ROBO2: variants seen among roughly 807,000 people sequenced by gnomAD.
The protein encoded by ROBO2 is roundabout homolog 2.
A neutral mutation model predicts 160.8 loss-of-function variants in ROBO2; 53 were observed. The ratio of observed to expected loss-of-function variants is 0.33; its 90% confidence interval spans 0.26 to 0.41. The LOEUF (loss-of-function observed/expected upper bound fraction) is 0.41. Among genes scored for constraint, ROBO2 ranks in the 10% least tolerant of loss-of-function variants. The pLI is 1.00. For missense variants in ROBO2, 1,577 were observed against 1,722.4 expected (o/e 0.92, Z 1.49); for synonymous variants, 664 against 611.7 (o/e 1.09, Z -1.26).
chr3:76,393,026 C>G (rs551072702), intron 2 of ROBO2, among the ~76,000 whole-genome samples: 1 of 152,134 alleles, frequency 6.6e-6, no homozygotes, highest in Non-Finnish European at 1.5e-5. Flanking sequence ...ATGAAACTCC[C>G]CCTTGCTGAT....
intron 2 of ROBO2, among the ~76,000 whole-genome samples, chr3:77,357,253 A>G (rs1172561100): frequency 6.6e-6 from 1 of 152,146 alleles, no homozygotes; most frequent in African/African-American, 2.4e-5. Context: ...GATGCTTCTC[A>G]TTTCTCTAGC....
chr3:77,258,244 G>A (rs1434486185), intron 2 of ROBO2, among the ~76,000 whole-genome samples: 1 of 152,106 alleles, frequency 6.6e-6, no homozygotes, highest in Non-Finnish European at 1.5e-5. Context: ...GAAATTTTAG[G>A]TCAACACTCA....
intron 2 of ROBO2, among the ~76,000 whole-genome samples, chr3:77,220,942 G>A (rs1312122020): frequency 6.6e-6 from 1 of 152,184 alleles, no homozygotes; most frequent in Non-Finnish European, 1.5e-5. Context: ...AAAAAATAGA[G>A]GAAATAGATT....
chr3:76,754,778 A>T (rs2060874518), intron 2 of ROBO2, among the ~76,000 whole-genome samples: 2 of 151,906 alleles, frequency 1.3e-5, no homozygotes, highest in African/African-American at 4.8e-5. Flanking sequence ...GAAGTTTGGT[A>T]CTTTGTCATT....
chr3:77,646,659 GAACA>G (rs2095414526), exon 26 of ROBO2: 1 of 152,360 alleles, frequency 6.6e-6, no homozygotes, highest in Admixed American at 6.6e-5. Context: ...AGATGCAAAG[GAACA>G]ATGGTGTTGG....
At chr3:76,445,136 A>T (rs1252191220) in intron 2 of ROBO2, among the ~76,000 whole-genome samples, 1 of 152,184 alleles carries the variant, frequency 6.6e-6, no homozygotes, top group Non-Finnish European at 1.5e-5. Flanking sequence ...ATATTTTCTA[A>T]GTAGTTAATC....
rs532378226 is a variant in ROBO2 at position 77,253,869 on chromosome 3, C to T, written c.388+155529C>T. Among the ~76,000 whole-genome samples, 482 of 152,068 alleles carry T rather than the reference C, an allele frequency of 3.2e-3. 6 individuals carry two copies. The highest frequency in any genetic ancestry group is 0.011 in the African/African-American group (457 of 41,476). On this transcript the variant is annotated intron_variant, in intron 2 of 25. Transcript: ENST00000461745. ...TATGAATATAAACTGATATTATTTACGAACCTCTAATCTGTAATATTTGAA... is the reference window on the plus strand; with the variant it reads ...TATGAATATAAACTGATATTATTTATGAACCTCTAATCTGTAATATTTGAA...
chr3:76,395,169 AACTC>A (rs1292731099), intron 2 of ROBO2, among the ~76,000 whole-genome samples: 17 of 151,746 alleles, frequency 1.1e-4, no homozygotes, highest in African/African-American at 4.1e-4. Flanking sequence ...AGGATTAAGA[AACTC>A]ACTCAAAACC....
intron 2 of ROBO2, among the ~76,000 whole-genome samples, chr3:76,410,047 G>A (rs774145213): frequency 2.2e-4 from 33 of 151,932 alleles, no homozygotes; most frequent in Non-Finnish European, 3.8e-4. Context: ...TTTTGTTTTC[G>A]CATGCATGTT....
At chr3:76,247,567 T>A (rs753085261) in intron 2 of ROBO2, among the ~76,000 whole-genome samples, 1 of 152,128 alleles carries the variant, frequency 6.6e-6, no homozygotes, top group Admixed American at 6.6e-5. Flanking sequence ...TCTTAAATAA[T>A]AAGCAGGATT....
chr3:76,111,414 G>T (rs2070225108), intron 2 of ROBO2, among the ~76,000 whole-genome samples: 1 of 151,924 alleles, frequency 6.6e-6, no homozygotes, highest in African/African-American at 2.4e-5. Context: ...AGAAATATGG[G>T]AGAATAAATT....
intron 2 of ROBO2, among the ~76,000 whole-genome samples, chr3:76,217,844 A>G (rs1382599659): frequency 2.0e-5 from 3 of 152,108 alleles, no homozygotes; most frequent in Non-Finnish European, 4.4e-5. Context: ...CCAAAGCCTG[A>G]CAGAGACACA....
At chr3:77,554,263 A>G (rs1022228367) in intron 8 of ROBO2, among the ~76,000 whole-genome samples, 5 of 151,892 alleles carry the variant, frequency 3.3e-5, no homozygotes, top group African/African-American at 1.2e-4. Flanking sequence ...ACTCTGCAGA[A>G]AAAAAAATTC....
chr3:76,141,862 A>G (rs1419766028), intron 2 of ROBO2, among the ~76,000 whole-genome samples: 1 of 152,038 alleles, frequency 6.6e-6, no homozygotes, highest in Non-Finnish European at 1.5e-5. Flanking sequence ...GTAAACTGAG[A>G]GCACAGGCAT....
At chr3:77,302,816 G>C (rs2062775739) in intron 2 of ROBO2, among the ~76,000 whole-genome samples, 1 of 152,146 alleles carries the variant, frequency 6.6e-6, no homozygotes, top group Admixed American at 6.6e-5. Context: ...TATTGAGAAA[G>C]TGACCCAGAA....
chr3:77,205,071 C>G (rs1482292280), intron 2 of ROBO2, among the ~76,000 whole-genome samples: 1 of 152,098 alleles, frequency 6.6e-6, no homozygotes, highest in Non-Finnish European at 1.5e-5. Flanking sequence ...GCCTGGGGCT[C>G]CAGTGTTGCA....
chr3:76,799,515 A>AC (rs397818151), intron 2 of ROBO2, among the ~76,000 whole-genome samples: 11 of 151,794 alleles, frequency 7.2e-5, no homozygotes, highest in Middle Eastern at 3.2e-3. Flanking sequence ...CAAAAAAAAA[A>AC]CCCAGTAAAG....
At chr3:76,240,093 G>C (rs944439561) in intron 2 of ROBO2, among the ~76,000 whole-genome samples, 4 of 152,118 alleles carry the variant, frequency 2.6e-5, no homozygotes, top group African/African-American at 9.7e-5. Flanking sequence ...TTCTGGAGTG[G>C]AGTAGTATTT....
intron 2 of ROBO2, among the ~76,000 whole-genome samples, chr3:76,562,439 ATCTCTC>A (rs10598282): frequency 8.8e-5 from 13 of 147,216 alleles, no homozygotes; most frequent in Admixed American, 1.4e-4. Flanking sequence ...TATAAGATTG[ATCTCTC>A]TCTCTCTCTC....
Sources: allele counts gnomAD v4.1 joint callset (sites outside exome capture counted in the v4.1 genomes callset), GRCh38; gene constraint gnomAD v4.1.1; transcripts MANE v1.5; gene names NCBI Gene and HGNC (gene_info 2026-07-23, HGNC 2026-07-21).